Variants in ABHD10 observed in about 807,000 individuals in gnomAD.
ABHD10 encodes abhydrolase domain containing 10, depalmitoylase, also known as palmitoyl-protein thioesterase ABHD10, mitochondrial.
ABHD10 carries 22 observed loss-of-function variants against 33.1 expected under a neutral mutation model. That is an observed-to-expected ratio of 0.66 (90% CI 0.47 to 0.95). ABHD10 has a LOEUF of 0.95. ABHD10 is among the 40% of genes least tolerant of loss of function. ABHD10 has a pLI of 0.00. For missense variants in ABHD10, 352 were observed against 379.9 expected, an observed-to-expected ratio of 0.93 and a Z score of 0.61; for synonymous variants, 146 against 133.9, an observed-to-expected ratio of 1.09 and a Z score of -0.62.
chr3:111,991,538 C>T lies in ABHD10; in HGVS notation c.738C>T (p.Gly246=). Residue 246 remains glycine, a synonymous_variant, in exon 5 of 5, where the codon GGC becomes GGT. Coordinates refer to ENST00000273359, the MANE Select transcript of ABHD10 (RefSeq NM_018394.4). ...PVNCPIRLLH[G]MKDDIVPWHT... ...ACTGCCCCATAAGATTGCTCCATGGCATGAAGGATGACATTGTACCTTGGC... is the reference window on the plus strand; with the variant it reads ...ACTGCCCCATAAGATTGCTCCATGGTATGAAGGATGACATTGTACCTTGGC... The T allele has an allele frequency of 6.2e-7, 1 of 1,614,074 alleles. No homozygotes were observed. Among genetic ancestry groups the T allele is most frequent in the Non-Finnish European group, 8.5e-7 (1 of 1,179,996 alleles).
At chr3:111,986,525 T>A in intron 3 of ABHD10, 150 bp downstream of exon 3, 1 of 553,548 alleles carries the variant, frequency 1.8e-6, no homozygotes, top group South Asian at 2.2e-5. Flanking sequence ...AAGCTCTGCC[T>A]CCCGGGTTCA....
At chr3:111,988,262 G>A (rs1576067544) in intron 4 of ABHD10, among the ~76,000 whole-genome samples, 1 of 151,884 alleles carries the variant, frequency 6.6e-6, no homozygotes, top group African/African-American at 2.4e-5. Context: ...GTGTATTCAG[G>A]TTTCTCATAT....
At position 111,992,182 on chromosome 3, in the gene ABHD10, T is replaced by C. The variant is rs1177668355; in HGVS notation, c.*461T>C. The C allele has an allele frequency of 1.3e-5, 2 of 152,946 alleles. No individual in the cohort carries two copies. Among genetic ancestry groups the C allele is most frequent in the Non-Finnish European group, 2.9e-5 (2 of 69,572 alleles). 9.5% of individuals were successfully genotyped at this position (152,946 alleles called of 1,614,324 possible). A position where few individuals can be genotyped will look rare whatever the true frequency, so the allele number is the denominator to read the frequency against. On this transcript the variant is annotated 3_prime_UTR_variant, in exon 5 of 5. Coordinates refer to ENST00000273359, the MANE Select transcript of ABHD10 (RefSeq NM_018394.4). Reference sequence around the variant, plus strand: ...AAATGATGGAGAAATTTCAGAAGCATAATAAAGTTCACAATAAGGATAATA... The same window carrying C: ...AAATGATGGAGAAATTTCAGAAGCACAATAAAGTTCACAATAAGGATAATA...
Position 111,992,695 on chromosome 3 carries a change from A to G in ABHD10, c.*974A>G, listed in dbSNP as rs1188422997. On this transcript the variant is annotated 3_prime_UTR_variant, in exon 5 of 5. Transcript: ENST00000273359. Reference sequence around the variant, plus strand: ...CTTTATTTAGCTTGATTAGGTTATTATCTGTCAAACCTTTTAAGTTGACAA... The same window carrying G: ...CTTTATTTAGCTTGATTAGGTTATTGTCTGTCAAACCTTTTAAGTTGACAA... The G allele has an allele frequency of 1.3e-5, 2 of 152,142 alleles. No homozygotes were observed. The highest frequency in any genetic ancestry group is 2.4e-5 in the African/African-American group (1 of 41,432). The allele number at this position is 152,142 out of a possible 1,614,324, so 9.4% of individuals were successfully genotyped here.
chr3:111,988,546 G>T (rs7619078), intron 4 of ABHD10, among the ~76,000 whole-genome samples: 31,522 of 151,740 alleles, frequency 0.21, 3,378 homozygotes, highest in Middle Eastern at 0.28. Flanking sequence ...ATTGTATTTT[G>T]TAATTATTGG....
chr3:111,987,709 A>G (rs1015051600), intron 4 of ABHD10, among the ~76,000 whole-genome samples: 6 of 152,228 alleles, frequency 3.9e-5, no homozygotes, highest in East Asian at 3.8e-4. Context: ...TACACGTTCA[A>G]TACAGAGGTA....
chr3:111,986,686 G>C (rs981482196), intron 3 of ABHD10, among the ~76,000 whole-genome samples: 8 of 151,988 alleles, frequency 5.3e-5, no homozygotes, highest in African/African-American at 1.9e-4. Flanking sequence ...CCGCCCGCCT[G>C]GGCCTCCCAA....
chr3:111,990,786 A>AT, intron 4 of ABHD10: 2 of 1,120,742 alleles, frequency 1.8e-6, no homozygotes, highest in Non-Finnish European at 2.4e-6. Context: ...AATTACTCTT[A>AT]TTTTTTTATT....
intron 1 of ABHD10, among the ~76,000 whole-genome samples, chr3:111,979,736 C>T (rs1474250888): frequency 6.6e-6 from 1 of 152,130 alleles, no homozygotes; most frequent in Non-Finnish European, 1.5e-5. Context: ...AGAATTTGGG[C>T]TAAAAATCAG....
intron 4 of ABHD10, among the ~76,000 whole-genome samples, chr3:111,989,162 A>G (rs946090667): frequency 5.3e-5 from 8 of 152,116 alleles, no homozygotes; most frequent in South Asian, 2.1e-4. Context: ...GATTTTTACT[A>G]TCTTTTATAA....
intron 3 of ABHD10, 33 bp downstream of exon 3, chr3:111,986,408 T>G: frequency 6.9e-7 from 1 of 1,450,380 alleles, no homozygotes; most frequent in East Asian, 2.3e-5. Context: ...TGATAATTAC[T>G]GTAACCTCGT....
chr3:111,982,001 A>G (rs2107709529), intron 2 of ABHD10, 34 bp downstream of exon 2: 1 of 1,424,898 alleles, frequency 7.0e-7, no homozygotes, highest in Non-Finnish European at 9.4e-7. Context: ...AAATATTGCT[A>G]CTGTTAGCAT....
At chr3:111,984,324 A>G (rs1215018920) in intron 2 of ABHD10, among the ~76,000 whole-genome samples, 1 of 152,118 alleles carries the variant, frequency 6.6e-6, no homozygotes, top group Non-Finnish European at 1.5e-5. Flanking sequence ...TTTCTCATAA[A>G]TCCCTTACTT....
intron 3 of ABHD10, 22 bp downstream of exon 3, chr3:111,986,397 A>G: frequency 6.6e-7 from 1 of 1,513,278 alleles, no homozygotes; most frequent in Non-Finnish European, 9.2e-7. Flanking sequence ...GTTAAGTATG[A>G]TGATAATTAC....
chr3:111,992,633 TTTAG>T lies in ABHD10; in HGVS notation c.*916_*919del, dbSNP rs1323174306. On this transcript the variant is annotated 3_prime_UTR_variant, in exon 5 of 5. Transcript: ENST00000273359. ...AGGTGTAGATTGAGCCTTGATATTA[TTTAG>T]TTAATGTTTTTTATTAATTAATTTT... 21 of 133,798 alleles carry T rather than the reference TTTAG, an allele frequency of 1.6e-4. 2 individuals are homozygous for T. Among genetic ancestry groups the T allele is most frequent in the Admixed American group, 5.8e-4 (8 of 13,778 alleles). 8.3% of individuals were successfully genotyped at this position (133,798 alleles called of 1,614,324 possible).
At position 111,991,360 on chromosome 3, in the gene ABHD10, CTTT is replaced by C; in HGVS notation, c.577-16_577-14del. 1.3e-6 allele frequency: 2 copies of C among 1,545,990 alleles called. No individual in the cohort carries two copies. The highest frequency in any genetic ancestry group is 1.7e-6 in the Non-Finnish European group (2 of 1,148,360). ...TAAAGTCACAAATACTTTTATTTTT[CTTT>C]CTTTTTCCAATAGCTAAAAAAGGAA... On this transcript the variant is annotated splice_polypyrimidine_tract_variant and intron_variant, in intron 4 of 4. Coordinates refer to ENST00000273359, the MANE Select transcript of ABHD10 (RefSeq NM_018394.4).
In ABHD10 at chr3:111,981,904, T is replaced by C. The variant is rs917814903; in HGVS notation, c.263T>C (p.Met88Thr). 7 of 1,607,424 alleles carry C rather than the reference T, an allele frequency of 4.4e-6. No individual in the cohort carries two copies. Among genetic ancestry groups the C allele is most frequent in the Non-Finnish European group, 6.0e-6 (7 of 1,175,226 alleles). The change falls in exon 2 of 5, where the codon ATG (methionine) becomes ACG (threonine). Residue 88 changes from methionine (M) to threonine (T), a missense_variant. Physicochemically the swap from Met to Thr is moderately conservative, Grantham distance 81 (BLOSUM62 -1). Coordinates refer to ENST00000273359, the MANE Select transcript of ABHD10 (RefSeq NM_018394.4). ...IIFIPGYLSY[M>T]NGTKALAIEE... Reference sequence around the variant, plus strand: ...TTCATCCCTGGCTATCTTTCTTATATGAATGGTACAAAAGCGTTGGCGATT... The same window carrying C: ...TTCATCCCTGGCTATCTTTCTTATACGAATGGTACAAAAGCGTTGGCGATT...
chr3:111,986,680 C>T (rs2072668037), intron 3 of ABHD10, among the ~76,000 whole-genome samples: 1 of 152,212 alleles, frequency 6.6e-6, no homozygotes, highest in South Asian at 2.1e-4. Flanking sequence ...CGTGATCCGC[C>T]CGCCTGGGCC....
At chr3:111,987,451 T>C (rs2072682095) in intron 4 of ABHD10, among the ~76,000 whole-genome samples, 1 of 152,170 alleles carries the variant, frequency 6.6e-6, no homozygotes, top group African/African-American at 2.4e-5. Context: ...TATGTTAGAG[T>C]GGGCTAATGA....
Sources: gnomAD v4.1 joint callset for allele counts (sites outside exome capture counted in the v4.1 genomes callset) on GRCh38, gnomAD v4.1.1 for gene constraint, MANE v1.5 for transcripts, NCBI Gene and HGNC (gene_info 2026-07-23, HGNC 2026-07-21) for gene names.